KCND2: variants seen among roughly 807,000 people sequenced by gnomAD.
The protein encoded by KCND2 is potassium voltage-gated channel subfamily D member 2.
Under a neutral mutation model 54.4 loss-of-function variants are expected in KCND2, and 16 were observed. The ratio of observed to expected loss-of-function variants is 0.29; its 90% confidence interval spans 0.20 to 0.45. The LOEUF is 0.45. Ranked by LOEUF, KCND2 falls within the 20% of genes least tolerant of loss-of-function variation. The probability of loss-of-function intolerance (pLI) is 1.00; values close to 1 mark genes in which losing one functional copy is unlikely to be tolerated. For missense variants in KCND2, 486 were observed against 824.2 expected, an observed-to-expected ratio of 0.59 and a Z score of 5.02; for synonymous variants, 317 against 310.7, an observed-to-expected ratio of 1.02 and a Z score of -0.21.
chr7:120,736,445 G>A (rs1792871505), intron 2 of KCND2, among the ~76,000 whole-genome samples: 1 of 151,900 alleles, frequency 6.6e-6, no homozygotes, highest in South Asian at 2.1e-4. Flanking sequence ...GATTCTCGTA[G>A]TTATACTATA....
chr7:120,433,417 T>G (rs1288697960), intron 1 of KCND2, among the ~76,000 whole-genome samples: 1 of 152,244 alleles, frequency 6.6e-6, no homozygotes, highest in African/African-American at 2.4e-5. Flanking sequence ...ACATTGTGTT[T>G]GGTTAAACTA....
intron 1 of KCND2, among the ~76,000 whole-genome samples, chr7:120,522,547 T>A (rs1263634244): frequency 6.6e-6 from 1 of 152,208 alleles, no homozygotes; most frequent in Non-Finnish European, 1.5e-5. Flanking sequence ...AAATGAGCAC[T>A]CTCTTGTGCT....
intron 1 of KCND2, among the ~76,000 whole-genome samples, chr7:120,704,181 T>G (rs1442170320): frequency 6.6e-6 from 1 of 152,068 alleles, no homozygotes; most frequent in Non-Finnish European, 1.5e-5. Context: ...CTTTATAACC[T>G]CTATCTGTTT....
At chr7:120,487,100 C>G (rs1393958617) in intron 1 of KCND2, among the ~76,000 whole-genome samples, 1 of 152,152 alleles carries the variant, frequency 6.6e-6, no homozygotes, top group African/African-American at 2.4e-5. Flanking sequence ...CAGGAGCACT[C>G]TCACCATCCT....
intron 1 of KCND2, among the ~76,000 whole-genome samples, chr7:120,409,292 T>A (rs1801412525): frequency 6.6e-6 from 1 of 151,978 alleles, no homozygotes; most frequent in Non-Finnish European, 1.5e-5. Context: ...AATGTAATAT[T>A]CACCTCAGAT....
intron 1 of KCND2, among the ~76,000 whole-genome samples, chr7:120,714,829 TG>T (rs1263113027): frequency 6.6e-6 from 1 of 151,422 alleles, no homozygotes; most frequent in Non-Finnish European, 1.5e-5. Context: ...TGTTATCTTT[TG>T]CTAATCTGAA....
intron 1 of KCND2, among the ~76,000 whole-genome samples, chr7:120,302,665 T>A (rs1799604099): frequency 6.6e-6 from 1 of 152,230 alleles, no homozygotes; most frequent in Non-Finnish European, 1.5e-5. Context: ...AAGAGTGATA[T>A]ACAAACAACT....
chr7:120,589,511 T>C (rs1174205589), intron 1 of KCND2, among the ~76,000 whole-genome samples: 2 of 152,204 alleles, frequency 1.3e-5, no homozygotes, highest in Non-Finnish European at 2.9e-5. Context: ...AGAGTCGCTA[T>C]TGAAGTCCTT....
Position 120,407,394 on chromosome 7 carries a change from A to G in KCND2, c.1115+131647A>G, listed in dbSNP as rs531423571. Among the ~76,000 whole-genome samples, 162 of 152,102 alleles carry G rather than the reference A, an allele frequency of 1.1e-3. 1 individual carries two copies. The highest frequency in any genetic ancestry group is 3.4e-3 in the Middle Eastern group (1 of 294). ...AGTGTAGTTATAAACAAACCCCCCA[A>G]AAGTGTGACAGCACTTCATGCATGC... On this transcript the variant is annotated intron_variant, in intron 1 of 5. Transcript: ENST00000331113.
At chr7:120,520,436 C>T (rs192151295) in intron 1 of KCND2, among the ~76,000 whole-genome samples, 1 of 152,172 alleles carries the variant, frequency 6.6e-6, no homozygotes, top group Admixed American at 6.5e-5. Flanking sequence ...TAGAAGTCTT[C>T]ATTTTAAAAA....
At chr7:120,602,109 T>C (rs535263869) in intron 1 of KCND2, among the ~76,000 whole-genome samples, 52 of 152,290 alleles carry the variant, frequency 3.4e-4, no homozygotes, top group African/African-American at 1.3e-3. Context: ...ATTGCTTCCA[T>C]CCCAAGCCTC....
At chr7:120,380,305 A>C (rs1800898079) in intron 1 of KCND2, among the ~76,000 whole-genome samples, 1 of 152,042 alleles carries the variant, frequency 6.6e-6, no homozygotes, top group African/African-American at 2.4e-5. Flanking sequence ...TGTGCTGTAG[A>C]ATGTCATTGT....
intron 1 of KCND2, among the ~76,000 whole-genome samples, chr7:120,358,063 G>C (rs1464564774): frequency 2.6e-5 from 4 of 152,112 alleles, no homozygotes; most frequent in African/African-American, 9.7e-5. Context: ...AGGTGATTCT[G>C]ATAACATGCT....
At chr7:120,625,673 G>C (rs1004582788) in intron 1 of KCND2, among the ~76,000 whole-genome samples, 1 of 151,964 alleles carries the variant, frequency 6.6e-6, no homozygotes, top group Admixed American at 6.6e-5. Context: ...ATTAAAATAA[G>C]GTACATACAT....
chr7:120,388,057 C>A (rs1801016004), intron 1 of KCND2, among the ~76,000 whole-genome samples: 2 of 151,958 alleles, frequency 1.3e-5, no homozygotes, highest in Admixed American at 6.6e-5. Flanking sequence ...ATAAATTGAT[C>A]TATTGAGTCA....
chr7:120,590,508 G>A (rs1180492712), intron 1 of KCND2, among the ~76,000 whole-genome samples: 1 of 152,188 alleles, frequency 6.6e-6, no homozygotes, highest in African/African-American at 2.4e-5. Flanking sequence ...AATTCTGGAT[G>A]TAAGGGATGC....
At chr7:120,583,469 G>C (rs537977269) in intron 1 of KCND2, among the ~76,000 whole-genome samples, 2 of 152,122 alleles carry the variant, frequency 1.3e-5, no homozygotes, top group Admixed American at 6.6e-5. Context: ...CCATATACTG[G>C]GTACTATGAA....
At chr7:120,299,693 C>T (rs532640985) in intron 1 of KCND2, among the ~76,000 whole-genome samples, 5 of 152,198 alleles carry the variant, frequency 3.3e-5, no homozygotes, top group Admixed American at 1.3e-4. Flanking sequence ...GGTGGCTAAT[C>T]GAGCTCCACA....
chr7:120,460,611 C>T, intron 1 of KCND2, among the ~76,000 whole-genome samples: 1 of 143,840 alleles, frequency 7.0e-6, no homozygotes, highest in Non-Finnish European at 1.5e-5. Flanking sequence ...ATATAAACCA[C>T]AGAAACAATT....
Sources: allele counts gnomAD v4.1 joint callset (sites outside exome capture counted in the v4.1 genomes callset), GRCh38; gene constraint gnomAD v4.1.1; transcripts MANE v1.5; gene names NCBI Gene and HGNC (gene_info 2026-07-23, HGNC 2026-07-21).